Variants in ROBO2 observed in about 807,000 individuals in gnomAD.
ROBO2 encodes the protein roundabout guidance receptor 2.
A neutral mutation model predicts 160.8 loss-of-function variants in ROBO2; 53 were observed. The ratio of observed to expected loss-of-function variants is 0.33; its 90% CI spans 0.26 to 0.41. The LOEUF is 0.41. ROBO2 is among the 10% of genes least tolerant of loss of function. ROBO2 has a pLI of 1.00. For missense variants in ROBO2, 1,577 were observed against 1,722.4 expected, an observed-to-expected ratio of 0.92 and a Z score of 1.49; for synonymous variants, 664 against 611.7, an observed-to-expected ratio of 1.09 and a Z score of -1.26.
intron 2 of ROBO2, among the ~76,000 whole-genome samples, chr3:76,898,305 A>G (rs2074966369): frequency 6.6e-6 from 1 of 152,128 alleles, no homozygotes; most frequent in Non-Finnish European, 1.5e-5. Flanking sequence ...ATTCAATAGC[A>G]TAAGACATCC....
intron 2 of ROBO2, among the ~76,000 whole-genome samples, chr3:76,363,776 A>G (rs1046594434): frequency 6.6e-6 from 1 of 152,068 alleles, no homozygotes; most frequent in African/African-American, 2.4e-5. Context: ...GTATTAGTGG[A>G]TGTTTTGAAA....
chr3:76,935,854 G>A (rs1051298854), intron 2 of ROBO2, among the ~76,000 whole-genome samples: 1 of 152,078 alleles, frequency 6.6e-6, no homozygotes, highest in African/African-American at 2.4e-5. Context: ...TTTTTAATAT[G>A]AGCACTAATC....
intron 2 of ROBO2, among the ~76,000 whole-genome samples, chr3:76,313,496 A>G (rs939490351): frequency 2.6e-5 from 4 of 152,184 alleles, no homozygotes; most frequent in Admixed American, 2.6e-4. Context: ...GATACCTTGC[A>G]GAGGTGTTCT....
At chr3:76,118,750 C>T (rs1184867920) in intron 2 of ROBO2, among the ~76,000 whole-genome samples, 1 of 152,114 alleles carries the variant, frequency 6.6e-6, no homozygotes, top group East Asian at 1.9e-4. Context: ...TGAATCTTTT[C>T]TAATCTTAGC....
chr3:76,526,326 A>T (rs1475320947), intron 2 of ROBO2, among the ~76,000 whole-genome samples: 1 of 152,078 alleles, frequency 6.6e-6, no homozygotes, highest in Non-Finnish European at 1.5e-5. Context: ...TCAGCAAATG[A>T]TTGACACCCC....
At chr3:76,743,121 C>G (rs1368184246) in intron 2 of ROBO2, among the ~76,000 whole-genome samples, 5 of 152,088 alleles carry the variant, frequency 3.3e-5, no homozygotes, top group Non-Finnish European at 7.4e-5. Flanking sequence ...TATATTTTCC[C>G]TCAACCTTAG....
intron 2 of ROBO2, among the ~76,000 whole-genome samples, chr3:77,283,951 A>T (rs2060413725): frequency 2.0e-5 from 3 of 152,108 alleles, no homozygotes; most frequent in Admixed American, 1.3e-4. Flanking sequence ...ACATATTGTA[A>T]TTTTTGTATT....
chr3:76,482,760 A>G (rs1476725555), intron 2 of ROBO2, among the ~76,000 whole-genome samples: 2 of 152,138 alleles, frequency 1.3e-5, no homozygotes, highest in African/African-American at 2.4e-5. Flanking sequence ...TATGAAGCTT[A>G]TGGGTTATCT....
At chr3:76,121,338 G>C (rs2070744488) in intron 2 of ROBO2, among the ~76,000 whole-genome samples, 1 of 152,230 alleles carries the variant, frequency 6.6e-6, no homozygotes, top group African/African-American at 2.4e-5. Context: ...TAGTAAGGAG[G>C]GGGGAGGAAA....
intron 2 of ROBO2, among the ~76,000 whole-genome samples, chr3:76,299,369 A>G (rs935148421): frequency 3.3e-5 from 5 of 152,018 alleles, no homozygotes; most frequent in Non-Finnish European, 7.4e-5. Context: ...AGCTCAAGTC[A>G]GAGTTAAAGT....
intron 2 of ROBO2, among the ~76,000 whole-genome samples, chr3:77,019,060 A>T (rs2062461066): frequency 6.6e-6 from 1 of 152,224 alleles, no homozygotes; most frequent in South Asian, 2.1e-4. Flanking sequence ...TCTTCTATGA[A>T]GGATTTAGCA....
intron 23 of ROBO2, among the ~76,000 whole-genome samples, chr3:77,626,679 T>C (rs1172190083): frequency 2.0e-5 from 3 of 152,058 alleles, no homozygotes; most frequent in African/African-American, 7.2e-5. Flanking sequence ...CAGAAGGCAG[T>C]AGGAGAGAGT....
At chr3:76,741,191 C>G (rs557565123) in intron 2 of ROBO2, among the ~76,000 whole-genome samples, 1 of 151,964 alleles carries the variant, frequency 6.6e-6, no homozygotes, top group Non-Finnish European at 1.5e-5. Context: ...CCAGAAACAC[C>G]TTGTTTATCT....
chr3:76,041,587 C>G (rs912886430), intron 2 of ROBO2, among the ~76,000 whole-genome samples: 2 of 151,964 alleles, frequency 1.3e-5, no homozygotes, highest in African/African-American at 4.8e-5. Context: ...CAATGAATGT[C>G]TTTTCCATCT....
chr3:77,312,444 T>G (rs976562936), intron 2 of ROBO2, among the ~76,000 whole-genome samples: 2 of 152,216 alleles, frequency 1.3e-5, no homozygotes, highest in African/African-American at 4.8e-5. Context: ...AAAGCTCATA[T>G]GCCTGTCTCT....
At chr3:76,301,436 C>T (rs1468732864) in intron 2 of ROBO2, among the ~76,000 whole-genome samples, 3 of 151,848 alleles carry the variant, frequency 2.0e-5, no homozygotes, top group Non-Finnish European at 4.4e-5. Context: ...TAAACAAAAC[C>T]TGGGATACAC....
intron 1 of ROBO2, among the ~76,000 whole-genome samples, chr3:75,923,080 A>C (rs1197406867): frequency 6.6e-6 from 1 of 152,230 alleles, no homozygotes; most frequent in Non-Finnish European, 1.5e-5. Flanking sequence ...GCCTATCAGA[A>C]AATATATTTC....
intron 2 of ROBO2, among the ~76,000 whole-genome samples, chr3:76,187,000 T>C (rs2107148980): frequency 6.6e-6 from 1 of 152,238 alleles, no homozygotes; most frequent in Admixed American, 6.5e-5. Flanking sequence ...ATCCTTATTC[T>C]TTTTTGGCTT....
intron 2 of ROBO2, among the ~76,000 whole-genome samples, chr3:76,346,249 ATT>A (rs74266989): frequency 1.3e-4 from 19 of 143,340 alleles, no homozygotes; most frequent in Admixed American, 2.1e-4. Context: ...CATTAAGAGA[ATT>A]TTTTTTTTTT....
Sources: allele counts gnomAD v4.1 joint callset (sites outside exome capture counted in the v4.1 genomes callset), GRCh38; gene constraint gnomAD v4.1.1; transcripts MANE v1.5; gene names NCBI Gene and HGNC (gene_info 2026-07-23, HGNC 2026-07-21).